The following RNF125 variants were observed in gnomAD, a reference collection of about 807,000 sequenced individuals.
RNF125 encodes E3 ubiquitin-protein ligase RNF125.
In RNF125, 21 loss-of-function variants were observed where a neutral mutation model predicts 26.0. The observed-to-expected ratio is 0.81, with a 90% CI of 0.57 to 1.16. RNF125 has a LOEUF of 1.16. RNF125 is among the 50% of genes most tolerant of loss of function. The pLI is 0.00. For synonymous variants in RNF125, 95 were observed against 109.2 expected (o/e 0.87, Z 0.81); for missense variants, 270 against 299.4 (o/e 0.90, Z 0.72).
At chr18:32,051,864 A>G (rs1360193613) in intron 4 of RNF125, among the ~76,000 whole-genome samples, 1 of 151,006 alleles carries the variant, frequency 6.6e-6, no homozygotes. Flanking sequence ...TAATTTTTGC[A>G]TTTTTAGTAG....
rs1432684728 is a variant in RNF125 at position 32,028,323 on chromosome 18, A to T, written c.165-8793A>T. Among the ~76,000 whole-genome samples, 95 of 137,536 alleles carry T rather than the reference A, an allele frequency of 6.9e-4. 2 individuals carry two copies. The highest frequency in any genetic ancestry group is 1.3e-3 in the African/African-American group (45 of 34,116). The allele number at this position is 137,536 out of a possible 152,430, so 90.2% of individuals were successfully genotyped here. A position where few individuals can be genotyped will look rare whatever the true frequency, so the allele number is the denominator to read the frequency against. ...AAAAAAAAAAAAAAAAAAAAAAAAAAAATAATAGGTAGTGGTTCATGATAA... is the reference window on the plus strand; with the variant it reads ...AAAAAAAAAAAAAAAAAAAAAAAAATAATAATAGGTAGTGGTTCATGATAA... On this transcript the variant is annotated intron_variant, in intron 1 of 5. Coordinates refer to ENST00000217740, the MANE Select transcript of RNF125 (RefSeq NM_017831.4).
the RNF125 span, among the ~76,000 whole-genome samples, chr18:32,087,027 C>T: frequency 2.0e-5 from 3 of 152,114 alleles, no homozygotes; most frequent in African/African-American, 7.2e-5. Context: ...TTGGTCATAA[C>T]TGAGTCACAT....
At chr18:32,021,413 T>C (rs909848207) in intron 1 of RNF125, among the ~76,000 whole-genome samples, 2 of 152,212 alleles carry the variant, frequency 1.3e-5, no homozygotes, top group Admixed American at 1.3e-4. Context: ...TGTTTCAGCT[T>C]TGTTCTTAAA....
intron 1 of RNF125, among the ~76,000 whole-genome samples, chr18:32,030,812 G>C (rs2144446103): frequency 6.6e-6 from 1 of 152,318 alleles, no homozygotes; most frequent in Middle Eastern, 3.4e-3. Context: ...TGGTGGAAAG[G>C]TAGAAAGAAG....
At chr18:32,088,369 C>A in the RNF125 span, among the ~76,000 whole-genome samples, 1 of 152,188 alleles carries the variant, frequency 6.6e-6, no homozygotes, top group Non-Finnish European at 1.5e-5. Context: ...CTTTTACCAG[C>A]AAAACAGGAT....
chr18:32,076,602 C>T (rs561560700), downstream of RNF125, among the ~76,000 whole-genome samples: 17 of 152,276 alleles, frequency 1.1e-4, no homozygotes, highest in Admixed American at 3.9e-4. Flanking sequence ...TGAGCCAACA[C>T]GCCCGGCCTC....
chr18:32,019,489 C>A (rs1409582309), intron 1 of RNF125, among the ~76,000 whole-genome samples: 1 of 152,354 alleles, frequency 6.6e-6, no homozygotes, highest in African/African-American at 2.4e-5. Context: ...CCCCAGAAAC[C>A]CGGGTCCGTT....
chr18:32,048,446 CCA>C (rs1491368507), intron 4 of RNF125, among the ~76,000 whole-genome samples: 1 of 149,158 alleles, frequency 6.7e-6, no homozygotes, highest in Non-Finnish European at 1.5e-5. Flanking sequence ...ACAAAAAAAC[CCA>C]AAAAAACCTG....
the RNF125 span, among the ~76,000 whole-genome samples, chr18:32,083,795 C>T: frequency 6.6e-6 from 1 of 151,792 alleles, no homozygotes; most frequent in Non-Finnish European, 1.5e-5. Context: ...TCTCACTACT[C>T]AGGAGGCAGA....
chr18:32,041,773 G>GGCGCCCGCCACT (rs2039221167), intron 2 of RNF125: 1 of 124,876 alleles, frequency 8.0e-6, no homozygotes, highest in Non-Finnish European at 1.7e-5. Flanking sequence ...TGGGACTACA[G>GGCGCCCGCCACT]GCGCCCGCCA....
Position 32,025,547 on chromosome 18 carries a change from T to G in RNF125, c.164+6520T>G, listed in dbSNP as rs564948038. On this transcript the variant is annotated intron_variant, in intron 1 of 5. Transcript: ENST00000217740. ...AGGGGTGGTGGCAGGCACCTGTAAT[T>G]CCAGCAACTCAGGAGGCTGAGGCAG... is the stretch of plus-strand genomic sequence containing the variant. Among the ~76,000 whole-genome samples the G allele has an allele frequency of 2.6e-5, 4 of 150,958 alleles. No homozygotes were observed. In the East Asian group the frequency reaches 7.8e-4, roughly 30 times the overall value.
Position 32,037,275 on chromosome 18 carries a change from T to C in RNF125, c.318+6T>C. The C allele has an allele frequency of 6.5e-7, 1 of 1,542,102 alleles. No homozygotes were observed. ...GCGCTGAGTGTGACACCCTGGTATG[T>C]ATGTGACCCCACCTATTTTCATGGT... On this transcript the variant is annotated splice_donor_region_variant and intron_variant, in intron 2 of 5. Coordinates refer to ENST00000217740, the MANE Select transcript of RNF125 (RefSeq NM_017831.4).
chr18:32,075,553 C>G (rs2039564332), downstream of RNF125, among the ~76,000 whole-genome samples: 1 of 152,038 alleles, frequency 6.6e-6, no homozygotes, highest in Non-Finnish European at 1.5e-5. Flanking sequence ...ATTAGCTGGG[C>G]TTGGTGGTGC....
intron 1 of RNF125, among the ~76,000 whole-genome samples, chr18:32,024,144 A>G (rs2039010695): frequency 6.6e-6 from 1 of 150,464 alleles, no homozygotes; most frequent in East Asian, 1.9e-4. Flanking sequence ...CTTCTAAACT[A>G]GACACAATTC....
the RNF125 span, among the ~76,000 whole-genome samples, chr18:32,078,261 T>A: frequency 6.6e-6 from 1 of 152,312 alleles, no homozygotes; most frequent in African/African-American, 2.4e-5. Flanking sequence ...TAATTCTACA[T>A]CTGGAAATAT....
intron 4 of RNF125, among the ~76,000 whole-genome samples, chr18:32,050,865 C>CTTTGTT (rs2039318365): frequency 2.2e-5 from 1 of 46,328 alleles, no homozygotes; most frequent in Non-Finnish European, 3.9e-5. Context: ...GTCTAGAGTG[C>CTTTGTT]TTTTTTTTTT....
chr18:32,065,935 A>G lies in RNF125; in HGVS notation c.538A>G (p.Asn180Asp). ...CPLCRLIPDENPSSFSGSLIR... is the reference protein window; with the variant it reads ...CPLCRLIPDEDPSSFSGSLIR... ...ACTTTGCCGTTTAATACCCGATGAG[A>G]ATCCAAGCAGCTTCAGTGGCAGTTT... is the stretch of plus-strand genomic sequence containing the variant. Residue 180 changes from asparagine to aspartate, a missense_variant, in exon 5 of 6, where the codon AAT becomes GAT. Asn to Asp is a conservative substitution (Grantham distance 23, BLOSUM62 1). Coordinates refer to ENST00000217740, the MANE Select transcript of RNF125 (RefSeq NM_017831.4). The G allele has an allele frequency of 6.2e-7, 1 of 1,613,858 alleles. No individual in the cohort carries two copies. The highest frequency in any genetic ancestry group is 8.5e-7 in the Non-Finnish European group (1 of 1,179,740).
intron 1 of RNF125, among the ~76,000 whole-genome samples, chr18:32,023,444 C>T (rs551126918): frequency 2.0e-5 from 3 of 152,304 alleles, no homozygotes; most frequent in East Asian, 3.9e-4. Flanking sequence ...TGAGCCACTG[C>T]ACCCAGCCAA....
chr18:32,085,389 G>GAC, the RNF125 span, among the ~76,000 whole-genome samples: 1 of 142,034 alleles, frequency 7.0e-6, no homozygotes, highest in Non-Finnish European at 1.5e-5. Flanking sequence ...GAGAGAGAGA[G>GAC]AGAGAGAGAG....
Sources: allele counts gnomAD v4.1 joint callset (sites outside exome capture counted in the v4.1 genomes callset), GRCh38; gene constraint gnomAD v4.1.1; transcripts MANE v1.5; gene names NCBI Gene and HGNC (gene_info 2026-07-23, HGNC 2026-07-21).